MGAT4D: variants seen among roughly 807,000 people sequenced by gnomAD.
MGAT4D encodes alpha-1,3-mannosyl-glycoprotein 4-beta-N-acetylglucosaminyltransferase-like protein MGAT4D.
MGAT4D carries 34 observed loss-of-function variants against 15.9 expected under a neutral mutation model. The ratio of observed to expected loss-of-function variants is 2.14; its 90% confidence interval spans 1.62 to 2.84. The LOEUF (loss-of-function observed/expected upper bound fraction) is 2.84. MGAT4D is among the 30% of genes most tolerant of loss of function. The pLI is 0.00. For missense variants in MGAT4D, 327 were observed against 140.2 expected, an observed-to-expected ratio of 2.33 and a Z score of -6.73; for synonymous variants, 112 against 48.2, an observed-to-expected ratio of 2.33 and a Z score of -5.49.
Position 140,451,434 on chromosome 4 carries a change from G to T in MGAT4D, c.1092C>A (p.Phe364Leu). Residue 364 changes from phenylalanine (F) to leucine (L), a missense_variant, in exon 10 of 11, where the codon TTC becomes TTA. Physicochemically the swap from Phe to Leu is conservative, Grantham distance 22 (BLOSUM62 0). Transcript: ENST00000511113. ...CTTTTTCATATTGTTCTTTTCTAGG[G>T]AATGATGAATGTATACCCACATGCT... The part of the protein sequence containing the change: ...LFQHVGIHSS[F>L]PRKEQYEKKI 1 of 609,322 alleles carries T rather than the reference G, an allele frequency of 1.6e-6. No homozygotes were observed. Among genetic ancestry groups the T allele is most frequent in the South Asian group, 2.0e-5 (1 of 49,340 alleles). 37.7% of individuals were successfully genotyped at this position (609,322 alleles called of 1,614,324 possible).
intron 1 of MGAT4D, among the ~76,000 whole-genome samples, chr4:140,489,111 G>C (rs17330336): frequency 0.064 from 9,780 of 152,188 alleles, 373 homozygotes; most frequent in South Asian, 0.11. Flanking sequence ...AGTCACTCAG[G>C]GGGTAAATAG....
At chr4:140,484,732 G>C (rs1732983702) in intron 1 of MGAT4D, among the ~76,000 whole-genome samples, 1 of 152,150 alleles carries the variant, frequency 6.6e-6, no homozygotes, top group African/African-American at 2.4e-5. Context: ...CCATCAAAAA[G>C]TGGGCAAAGG....
rs1730024755 is a variant in MGAT4D, at chr4:140,445,036, C to G, written c.1117-1592G>C. Among the ~76,000 whole-genome samples, 3 of 144,734 alleles carry G rather than the reference C, an allele frequency of 2.1e-5. No homozygotes were observed. The South Asian group carries it at 6.7e-4, about 32-fold the overall frequency. 95.0% of individuals were successfully genotyped at this position (144,734 alleles called of 152,430 possible). On this transcript the variant is annotated intron_variant, in intron 10 of 10. Coordinates refer to ENST00000511113, the MANE Select transcript of MGAT4D (RefSeq NM_001277353.2). Reference sequence around the variant, plus strand: ...AGCTGGAATTACAGGCACGTGCCACCACGCCCAGCTAATGTTTGTATTTTT... The same window carrying G: ...AGCTGGAATTACAGGCACGTGCCACGACGCCCAGCTAATGTTTGTATTTTT...
At chr4:140,487,411 G>A (rs574759647) in intron 1 of MGAT4D, among the ~76,000 whole-genome samples, 1 of 152,304 alleles carries the variant, frequency 6.6e-6, no homozygotes, top group Non-Finnish European at 1.5e-5. Context: ...CTCACAGCAA[G>A]GCTCCAAGGC....
chr4:140,452,845 T>C (rs1730557924), intron 9 of MGAT4D, among the ~76,000 whole-genome samples: 1 of 152,170 alleles, frequency 6.6e-6, no homozygotes, highest in Non-Finnish European at 1.5e-5. Context: ...GAACATTTTT[T>C]CTATATTTTC....
chr4:140,474,846 C>G lies in MGAT4D; in HGVS notation c.492G>C (p.Glu164Asp). The change falls in exon 4 of 11, where the codon GAG (glutamate) becomes GAC (aspartate). Residue 164 changes from glutamate (E) to aspartate (D), a missense_variant. Glu to Asp is a conservative substitution (Grantham distance 45). Transcript: ENST00000511113. Reference sequence around the variant, plus strand: ...CCAAGACAATCACTACAGAATCCTTCTCTTGGGAGAGCGTCATCCTGGAGA... The same window carrying G: ...CCAAGACAATCACTACAGAATCCTTGTCTTGGGAGAGCGTCATCCTGGAGA... ...SVVSRMTLSQ[E>D]KDSVVIVLVA... The G allele has an allele frequency of 1.4e-6, 1 of 697,444 alleles. No individual in the cohort carries two copies. The highest frequency in any genetic ancestry group is 1.8e-5 in the African/African-American group (1 of 56,986). 43.2% of individuals were successfully genotyped at this position (697,444 alleles called of 1,614,324 possible).
intron 5 of MGAT4D, among the ~76,000 whole-genome samples, chr4:140,470,545 C>A (rs894148777): frequency 6.6e-6 from 1 of 152,206 alleles, no homozygotes; most frequent in African/African-American, 2.4e-5. Flanking sequence ...ATAGGCCCTG[C>A]GTGATGTCAA....
At chr4:140,461,198 T>C (rs922349509) in intron 7 of MGAT4D, among the ~76,000 whole-genome samples, 1 of 151,950 alleles carries the variant, frequency 6.6e-6, no homozygotes, top group Non-Finnish European at 1.5e-5. Flanking sequence ...TTGGGAAGAG[T>C]ACATTGGCTG....
At chr4:140,495,325 C>T (rs1733767496) in intron 1 of MGAT4D, among the ~76,000 whole-genome samples, 1 of 152,204 alleles carries the variant, frequency 6.6e-6, no homozygotes, top group East Asian at 1.9e-4. Flanking sequence ...CTTTCCTTTC[C>T]CTAACCCTGC....
intron 10 of MGAT4D, chr4:140,450,164 C>CA (rs1328482784): frequency 3.1e-6 from 1 of 323,358 alleles, no homozygotes; most frequent in Non-Finnish European, 5.6e-6. Flanking sequence ...TCACATTTGA[C>CA]ATATTATTAA....
intron 1 of MGAT4D, among the ~76,000 whole-genome samples, chr4:140,482,846 A>C (rs1265354475): frequency 6.6e-6 from 1 of 152,126 alleles, no homozygotes; most frequent in African/African-American, 2.4e-5. Flanking sequence ...TTAACCCCCC[A>C]AAAATACATC....
At chr4:140,471,405 G>A (rs1731951799) in intron 5 of MGAT4D, among the ~76,000 whole-genome samples, 1 of 152,026 alleles carries the variant, frequency 6.6e-6, no homozygotes, top group African/African-American at 2.4e-5. Context: ...TGGTTAATCC[G>A]TACGTGCTTC....
At chr4:140,479,697 C>T in intron 2 of MGAT4D, 70 bp from the exon 3 acceptor site, 2 of 369,254 alleles carry the variant, frequency 5.4e-6, no homozygotes, top group Non-Finnish European at 9.6e-6. Context: ...ATAATTTTTT[C>T]AAAGAGGTGT....
intron 1 of MGAT4D, 118 bp from the exon 2 acceptor site, chr4:140,482,603 G>T (rs1732819603): frequency 4.5e-6 from 2 of 449,224 alleles, no homozygotes; most frequent in East Asian, 7.2e-5. Flanking sequence ...TACTATATAT[G>T]TATTATATGT....
At chr4:140,475,646 C>T (rs1281879982) in intron 3 of MGAT4D, among the ~76,000 whole-genome samples, 6 of 80,408 alleles carry the variant, frequency 7.5e-5, no homozygotes, top group South Asian at 8.1e-4. Context: ...TTCTAGAAAG[C>T]GGTAATAAAA....
chr4:140,449,326 T>C (rs946325136), intron 10 of MGAT4D, among the ~76,000 whole-genome samples: 1 of 152,326 alleles, frequency 6.6e-6, no homozygotes, highest in African/African-American at 2.4e-5. Context: ...TTAAAAACTA[T>C]TTAAGAAAGT....
chr4:140,497,936 A>G (rs1733944812), intron 1 of MGAT4D, among the ~76,000 whole-genome samples, 193 bp downstream of exon 1: 1 of 152,134 alleles, frequency 6.6e-6, no homozygotes, highest in African/African-American at 2.4e-5. Context: ...CGCGGGTTAC[A>G]GCCCAGCCGC....
rs1001742398 is a variant in MGAT4D, at chr4:140,442,501, G to A, written c.*935C>T. The A allele has an allele frequency of 4.6e-5, 7 of 152,060 alleles. No individual in the cohort carries two copies. The highest frequency in any genetic ancestry group is 8.8e-5 in the Non-Finnish European group (6 of 67,966). 9.4% of individuals were successfully genotyped at this position (152,060 alleles called of 1,614,324 possible). The stretch of plus-strand genomic sequence containing the variant: ...GCCCCTGTAGAAACTGATGGATCAA[G>A]CATATAGAAATTAGTAAGGAGTGAA... On this transcript the variant is annotated 3_prime_UTR_variant, in exon 11 of 11. Transcript: ENST00000511113.
intron 1 of MGAT4D, among the ~76,000 whole-genome samples, chr4:140,485,770 T>A (rs1264457736): frequency 9.3e-6 from 1 of 107,966 alleles, no homozygotes; most frequent in East Asian, 3.0e-4. Context: ...ATGACTGCAC[T>A]GCTGCACTCC....
Sources: gnomAD v4.1 joint callset for allele counts (sites outside exome capture counted in the v4.1 genomes callset) on GRCh38, gnomAD v4.1.1 for gene constraint, MANE v1.5 for transcripts, NCBI Gene and HGNC (gene_info 2026-07-23, HGNC 2026-07-21) for gene names.